The following EPCAM variants were observed in gnomAD, a reference collection of about 807,000 sequenced individuals.
EPCAM encodes adenocarcinoma-associated antigen.
In EPCAM, 39 loss-of-function variants were observed where a neutral mutation model predicts 40.0. The observed-to-expected ratio is 0.98, with a 90% CI of 0.76 to 1.27. EPCAM has a LOEUF of 1.27. Ranked by LOEUF, EPCAM falls within the 50% of genes most tolerant of loss-of-function variation. The pLI, the probability that EPCAM is intolerant of heterozygous loss-of-function variation, is 0.00. For missense variants in EPCAM, 503 were observed against 381.2 expected (o/e 1.32, Z -2.66); for synonymous variants, 168 against 132.3 (o/e 1.27, Z -1.85).
In EPCAM at chr2:47,379,035, CTTA is replaced by C. The variant is rs1671504594; in HGVS notation, c.644_646del (p.Tyr215del). The C allele has an allele frequency of 6.3e-7, 1 of 1,587,688 alleles. No individual in the cohort carries two copies. Among genetic ancestry groups the C allele is most frequent in the Non-Finnish European group, 8.6e-7 (1 of 1,156,324 alleles). The stretch of plus-strand genomic sequence containing the variant: ...AATGATGTGGACATAGCTGATGTGG[CTTA>C]TTATTTTGAAAAAGATGTGAGTATC... On this transcript the variant is annotated inframe_deletion, in exon 6 of 9. Transcript: ENST00000263735.
intron 1 of EPCAM, among the ~76,000 whole-genome samples, chr2:47,371,243 A>G (rs1467511692): frequency 6.6e-6 from 1 of 152,222 alleles, no homozygotes; most frequent in Non-Finnish European, 1.5e-5. Flanking sequence ...TGGAATAAAC[A>G]ACTTGGCTGC....
chr2:47,370,074 G>T (rs770291771), intron 1 of EPCAM, among the ~76,000 whole-genome samples: 1 of 152,216 alleles, frequency 6.6e-6, no homozygotes, highest in South Asian at 2.1e-4. Flanking sequence ...CTCCAGGGCC[G>T]CTATGCACCT....
At chr2:47,380,135 G>A (rs1490369473) in intron 7 of EPCAM, among the ~76,000 whole-genome samples, 166 bp downstream of exon 7, 1 of 152,148 alleles carries the variant, frequency 6.6e-6, no homozygotes, top group Non-Finnish European at 1.5e-5. Context: ...GGGCAACATG[G>A]TGAAACCTTA....
At chr2:47,379,155 C>A in intron 6 of EPCAM, 101 bp downstream of exon 6, 1 of 747,896 alleles carries the variant, frequency 1.3e-6, no homozygotes, top group Non-Finnish European at 2.4e-6. Context: ...TACAGATCAA[C>A]CAAATGGTTC....
At chr2:47,382,200 A>C (rs1671611769) in intron 7 of EPCAM, among the ~76,000 whole-genome samples, 1 of 152,246 alleles carries the variant, frequency 6.6e-6, no homozygotes, top group African/African-American at 2.4e-5. Context: ...CATAATATAC[A>C]AAGAGTTCTT....
chr2:47,382,440 A>T (rs1434275951), intron 7 of EPCAM, among the ~76,000 whole-genome samples: 2 of 152,192 alleles, frequency 1.3e-5, no homozygotes, highest in Non-Finnish European at 2.9e-5. Context: ...TAATCCCAGC[A>T]CTTTGGGAGG....
intron 4 of EPCAM, among the ~76,000 whole-genome samples, chr2:47,376,341 C>G (rs1171252208): frequency 6.7e-6 from 1 of 150,238 alleles, no homozygotes; most frequent in Non-Finnish European, 1.5e-5. Context: ...ACCGCAACCT[C>G]TGCTTCCCGG....
intron 7 of EPCAM, among the ~76,000 whole-genome samples, chr2:47,381,223 C>T (rs1216497056): frequency 2.0e-5 from 3 of 150,590 alleles, no homozygotes; most frequent in Non-Finnish European, 3.0e-5. Flanking sequence ...GTGGAGAAAC[C>T]CCATCTCTAC....
chr2:47,374,767 C>T (rs548035908), intron 3 of EPCAM, among the ~76,000 whole-genome samples: 1 of 152,086 alleles, frequency 6.6e-6, no homozygotes, highest in Non-Finnish European at 1.5e-5. Context: ...CCTTAGCCTC[C>T]TGAGTAGCTG....
chr2:47,377,150 G>A (rs2103753742), intron 5 of EPCAM, 73 bp downstream of exon 5: 1 of 989,792 alleles, frequency 1.0e-6, no homozygotes, highest in Non-Finnish European at 1.6e-6. Context: ...AGGACAGCCA[G>A]TGATTTAAGT....
At chr2:47,383,321 A>AG in intron 7 of EPCAM, 1 of 143,042 alleles carries the variant, frequency 7.0e-6, no homozygotes, top group East Asian at 2.2e-4. Context: ...AAAAAAAAAA[A>AG]GAAAAGGAGT....
At chr2:47,384,126 G>C (rs1312482024) in intron 7 of EPCAM, among the ~76,000 whole-genome samples, 2 of 151,930 alleles carry the variant, frequency 1.3e-5, no homozygotes, top group African/African-American at 4.8e-5. Context: ...TATGGAGACA[G>C]AGTCTCCTTC....
chr2:47,374,090 G>C (rs2103748250), intron 3 of EPCAM, 42 bp downstream of exon 3: 2 of 1,608,182 alleles, frequency 1.2e-6, no homozygotes, highest in Non-Finnish European at 1.7e-6. Context: ...ATGCTGTTCA[G>C]ATTCATTTAA....
chr2:47,374,538 G>T (rs1278234855), intron 3 of EPCAM, among the ~76,000 whole-genome samples: 1 of 152,172 alleles, frequency 6.6e-6, no homozygotes, highest in East Asian at 1.9e-4. Flanking sequence ...AACTGGAAAG[G>T]ATGTCAGGAC....
chr2:47,380,024 T>G, intron 7 of EPCAM, 55 bp downstream of exon 7: 1 of 1,556,380 alleles, frequency 6.4e-7, no homozygotes, highest in Non-Finnish European at 8.7e-7. Flanking sequence ...CAAGAAAAAG[T>G]AATAGTGGCT....
chr2:47,375,991 T>C (rs1671412720), intron 4 of EPCAM, among the ~76,000 whole-genome samples: 1 of 152,028 alleles, frequency 6.6e-6, no homozygotes, highest in African/African-American at 2.4e-5. Flanking sequence ...GGTGTGAGCT[T>C]CCGCGCCCGG....
At chr2:47,377,213 T>G in intron 5 of EPCAM, 136 bp downstream of exon 5, 2 of 725,360 alleles carry the variant, frequency 2.8e-6, no homozygotes, top group Non-Finnish European at 5.0e-6. Context: ...GTACTTAATG[T>G]GAATTTCCTG....
intron 4 of EPCAM, 81 bp from the exon 5 acceptor site, chr2:47,376,933 C>G: frequency 3.3e-6 from 3 of 905,218 alleles, no homozygotes; most frequent in East Asian, 4.9e-5. Flanking sequence ...AGACCCTGAG[C>G]TGTCTGCTTA....
At position 47,373,227 on chromosome 2, in the gene EPCAM, A is replaced by C. The variant is rs528210519; in HGVS notation, c.77-236A>C. Among the ~76,000 whole-genome samples, 2,394 of 149,530 alleles carry C rather than the reference A, an allele frequency of 0.016. 88 individuals are homozygous for C. Among genetic ancestry groups the C allele is most frequent in the African/African-American group, 0.056 (2,259 of 40,450 alleles). On this transcript the variant is annotated intron_variant, in intron 1 of 8. Coordinates refer to ENST00000263735, the MANE Select transcript of EPCAM (RefSeq NM_002354.3). Reference sequence around the variant, plus strand: ...CTTTAAAAAAAAAAAAAAAAAAAAAAAAAAAAAACAGGAATGCATGCAGAT... The same window carrying C: ...CTTTAAAAAAAAAAAAAAAAAAAAACAAAAAAAACAGGAATGCATGCAGAT...
Sources: gnomAD v4.1 joint callset for allele counts (sites outside exome capture counted in the v4.1 genomes callset) on GRCh38, gnomAD v4.1.1 for gene constraint, MANE v1.5 for transcripts, NCBI Gene and HGNC (gene_info 2026-07-23, HGNC 2026-07-21) for gene names.